Variants in DYM observed in about 807,000 individuals in gnomAD.
DYM encodes dymeclin, also known as dyggve-Melchior-Clausen syndrome protein.
Under a neutral mutation model 93.1 loss-of-function variants are expected in DYM, and 78 were observed. The observed-to-expected ratio is 0.84, with a 90% CI of 0.70 to 1.01. The LOEUF (loss-of-function observed/expected upper bound fraction) is 1.01, where lower values mean the gene tolerates loss of function less well. Ranked by LOEUF, DYM falls within the 50% of genes least tolerant of loss-of-function variation. The pLI, the probability that DYM is intolerant of heterozygous loss-of-function variation, is 0.00. For synonymous variants in DYM, 321 were observed against 319.7 expected, an observed-to-expected ratio of 1.00 and a Z score of -0.04; for missense variants, 789 against 845.0, an observed-to-expected ratio of 0.93 and a Z score of 0.82.
intron 5 of DYM, among the ~76,000 whole-genome samples, chr18:49,376,914 G>C (rs964495278): frequency 7.2e-5 from 11 of 152,180 alleles, no homozygotes; most frequent in African/African-American, 2.7e-4. Flanking sequence ...ACCGTTTCCT[G>C]ATCTTGAAAG....
At chr18:49,459,140 T>G (rs1057049592) in intron 1 of DYM, among the ~76,000 whole-genome samples, 1 of 152,226 alleles carries the variant, frequency 6.6e-6, no homozygotes, top group Non-Finnish European at 1.5e-5. Context: ...CTGAATCTCC[T>G]TCCTATTAAC....
chr18:49,136,735 G>C (rs1021966612), intron 15 of DYM, among the ~76,000 whole-genome samples: 1 of 152,136 alleles, frequency 6.6e-6, no homozygotes, highest in Admixed American at 6.5e-5. Flanking sequence ...TTGAGGCAAA[G>C]AAAAGTTGAT....
intron 14 of DYM, among the ~76,000 whole-genome samples, chr18:49,179,931 A>G (rs879394582): frequency 7.2e-5 from 11 of 152,286 alleles, no homozygotes; most frequent in Admixed American, 3.9e-4. Context: ...AGTTTATACT[A>G]AAGTGGAGAG....
intron 8 of DYM, among the ~76,000 whole-genome samples, chr18:49,288,316 T>C (rs1303385073): frequency 6.6e-6 from 1 of 151,978 alleles, no homozygotes; most frequent in Non-Finnish European, 1.5e-5. Flanking sequence ...AATTAGAAAA[T>C]ATATTTAATT....
At position 49,037,302 on chromosome 18, in the gene DYM, A is replaced by G. The variant is rs570856851; in HGVS notation, c.*6753T>C. ...TTTTTGGGTTTCATGTGCTGTTTTT[A>G]AAATTTTTGAGGTAATTGCTTAATT... On this transcript the variant is annotated 3_prime_UTR_variant, in exon 18 of 18. Coordinates refer to ENST00000675505, the MANE Select transcript of DYM (RefSeq NM_001353214.3). Among the ~76,000 whole-genome samples, 9 of 152,278 alleles carry G rather than the reference A, an allele frequency of 5.9e-5. No individual in the cohort carries two copies. In the South Asian group the frequency reaches 1.7e-3, roughly 28 times the overall value.
chr18:49,087,351 A>C (rs1357071702), intron 17 of DYM, among the ~76,000 whole-genome samples: 1 of 152,238 alleles, frequency 6.6e-6, no homozygotes, highest in Non-Finnish European at 1.5e-5. Flanking sequence ...TAAAGACTAA[A>C]TTTTTCTACT....
At chr18:49,120,441 C>A (rs912225555) in intron 15 of DYM, among the ~76,000 whole-genome samples, 2 of 152,094 alleles carry the variant, frequency 1.3e-5, no homozygotes, top group Non-Finnish European at 2.9e-5. Context: ...TATACCATAC[C>A]TTTAAGGGAT....
chr18:49,044,022 C>T lies in DYM; in HGVS notation c.*33G>A, dbSNP rs577366992. The T allele has an allele frequency of 6.2e-7, 1 of 1,612,006 alleles. No individual in the cohort carries two copies. Among genetic ancestry groups the T allele is most frequent in the South Asian group, 1.1e-5 (1 of 90,958 alleles). ...TAAAAGAACTTGAAGGGCTGCTTGG[C>T]TGGAGGGGTCCGGGTGGGAGAGCAT... On this transcript the variant is annotated 3_prime_UTR_variant, in exon 18 of 18. Coordinates refer to ENST00000675505, the MANE Select transcript of DYM (RefSeq NM_001353214.3).
At chr18:49,102,290 C>T (rs1437502401) in intron 16 of DYM, among the ~76,000 whole-genome samples, 3 of 152,208 alleles carry the variant, frequency 2.0e-5, no homozygotes, top group Non-Finnish European at 4.4e-5. Context: ...CTGGGTCCCA[C>T]AAATTTTGAC....
intron 6 of DYM, among the ~76,000 whole-genome samples, chr18:49,338,666 A>G (rs1041354693): frequency 1.1e-4 from 17 of 152,212 alleles, no homozygotes; most frequent in African/African-American, 4.1e-4. Context: ...AATGAAGAAA[A>G]ACACATTGTA....
intron 15 of DYM, among the ~76,000 whole-genome samples, chr18:49,127,195 A>T (rs2082910111): frequency 6.6e-6 from 1 of 152,242 alleles, no homozygotes; most frequent in Non-Finnish European, 1.5e-5. Context: ...CCTCCAAAAA[A>T]TGGGCATACT....
In DYM at chr18:49,399,969, T is replaced by G. The variant is rs1290659031; in HGVS notation, c.141-8324A>C. 6.7e-5 allele frequency among the ~76,000 whole-genome samples: 8 copies of G among 119,020 alleles called. No homozygotes were observed. The East Asian group carries it at 1.6e-3, about 24-fold the overall frequency. The allele number at this position is 119,020 out of a possible 152,430, so 78.1% of individuals were successfully genotyped here. A position where few individuals can be genotyped will look rare whatever the true frequency, so the allele number is the denominator to read the frequency against. On this transcript the variant is annotated intron_variant, in intron 2 of 17. Coordinates refer to ENST00000675505, the MANE Select transcript of DYM (RefSeq NM_001353214.3). ...TTTTTTTTTTTTTTTTGAGACGGAG[T>G]CTTCCTTTATCACCCAGGCTGGAGT...
At chr18:49,260,230 A>C (rs939308572) in intron 11 of DYM, among the ~76,000 whole-genome samples, 1 of 152,218 alleles carries the variant, frequency 6.6e-6, no homozygotes, top group Non-Finnish European at 1.5e-5. Flanking sequence ...AATACAAAAA[A>C]TTAGCCGGGT....
At chr18:49,106,061 C>G (rs1259391229) in intron 16 of DYM, among the ~76,000 whole-genome samples, 7 of 152,184 alleles carry the variant, frequency 4.6e-5, no homozygotes, top group East Asian at 1.9e-4. Context: ...TTGTAGGTCT[C>G]TAAGGACTTG....
Position 49,363,068 on chromosome 18 carries a change from C to T in DYM, c.494+93G>A, listed in dbSNP as rs1032461661. Reference sequence around the variant, plus strand: ...TCCTTAAAAGGCACACATATAAGTTCTATACAAGGACCCACAAACTTCTCA... The same window carrying T: ...TCCTTAAAAGGCACACATATAAGTTTTATACAAGGACCCACAAACTTCTCA... On this transcript the variant is annotated intron_variant, in intron 6 of 17. Coordinates refer to ENST00000675505, the MANE Select transcript of DYM (RefSeq NM_001353214.3). The T allele has an allele frequency of 4.1e-6, 4 of 973,442 alleles. No individual in the cohort carries two copies. In the African/African-American group the frequency reaches 4.8e-5, roughly 12 times the overall value. 60.3% of individuals were successfully genotyped at this position (973,442 alleles called of 1,614,324 possible).
intron 14 of DYM, among the ~76,000 whole-genome samples, chr18:49,192,512 C>T (rs910689751): frequency 3.3e-5 from 5 of 152,080 alleles, no homozygotes. Context: ...TTTCCAAACA[C>T]CATTTATTGA....
chr18:49,379,611 C>T, intron 4 of DYM, 54 bp downstream of exon 4: 9 of 1,418,886 alleles, frequency 6.3e-6, no homozygotes, highest in Non-Finnish European at 7.0e-6. Flanking sequence ...TAAATGAAAA[C>T]TAAAATTCAC....
intron 16 of DYM, among the ~76,000 whole-genome samples, chr18:49,108,923 T>TTTA (rs2081136470): frequency 1.3e-5 from 2 of 152,362 alleles, no homozygotes; most frequent in African/African-American, 4.8e-5. Flanking sequence ...TTACGTCTCC[T>TTTA]TGGTGAATTG....
chr18:49,045,077 C>T (rs1266588170), intron 17 of DYM, among the ~76,000 whole-genome samples: 1 of 152,236 alleles, frequency 6.6e-6, no homozygotes, highest in East Asian at 1.9e-4. Flanking sequence ...CCCAAGGCCC[C>T]TGGGCCTCTC....
Sources: gnomAD v4.1 joint callset for allele counts (sites outside exome capture counted in the v4.1 genomes callset) on GRCh38, gnomAD v4.1.1 for gene constraint, MANE v1.5 for transcripts, NCBI Gene and HGNC (gene_info 2026-07-23, HGNC 2026-07-21) for gene names.